Variants in CSMD1 observed in about 807,000 individuals in gnomAD.
The protein encoded by CSMD1 is CUB and Sushi multiple domains 1.
CSMD1 carries 213 observed loss-of-function variants against 417.5 expected under a neutral mutation model. The observed-to-expected ratio is 0.51, with a 90% CI of 0.46 to 0.57. The LOEUF (loss-of-function observed/expected upper bound fraction) is 0.57, where lower values mean the gene tolerates loss of function less well. Ranked by LOEUF, CSMD1 falls within the 20% of genes least tolerant of loss-of-function variation. CSMD1 has a pLI of 0.00. For synonymous variants in CSMD1, 2,862 were observed against 1,736.8 expected, an observed-to-expected ratio of 1.65 and a Z score of -16.11; for missense variants, 6,923 against 4,529.7, an observed-to-expected ratio of 1.53 and a Z score of -15.17.
intron 12 of CSMD1, among the ~76,000 whole-genome samples, chr8:3,456,319 G>A (rs1213567938): frequency 1.1e-4 from 1 of 9,048 alleles, no homozygotes; most frequent in Non-Finnish European, 1.8e-4. Flanking sequence ...CCCACTGTCC[G>A]ACACTCCCCA....
At chr8:3,929,422 C>T (rs1250263677) in intron 5 of CSMD1, among the ~76,000 whole-genome samples, 1 of 150,484 alleles carries the variant, frequency 6.6e-6, no homozygotes, top group Non-Finnish European at 1.5e-5. Flanking sequence ...ACCTTCCCCA[C>T]ATGAGAAGTG....
chr8:3,676,277 C>A (rs942550933), intron 7 of CSMD1, among the ~76,000 whole-genome samples: 2 of 152,130 alleles, frequency 1.3e-5, no homozygotes, highest in South Asian at 2.1e-4. Context: ...TAAGTATTTA[C>A]CAACTCTGTG....
chr8:4,898,060 TA>T (rs754533004), intron 1 of CSMD1, among the ~76,000 whole-genome samples: 27 of 152,162 alleles, frequency 1.8e-4, no homozygotes, highest in Non-Finnish European at 2.9e-5. Flanking sequence ...TTGGTTTTAT[TA>T]GTTGGAAATA....
intron 10 of CSMD1, among the ~76,000 whole-genome samples, chr8:3,528,232 T>C (rs1327581306): frequency 6.6e-6 from 1 of 152,258 alleles, no homozygotes; most frequent in Non-Finnish European, 1.5e-5. Flanking sequence ...TTTTGAATTA[T>C]GTGTTGTGGA....
In CSMD1 at chr8:2,949,578, C is replaced by T. The variant is rs150819604; in HGVS notation, c.10315-192G>A. Among the ~76,000 whole-genome samples the T allele has an allele frequency of 1.3e-3, 197 of 152,236 alleles. 1 individual carries two copies. Among genetic ancestry groups the T allele is most frequent in the African/African-American group, 4.5e-3 (187 of 41,560 alleles). On this transcript the variant is annotated intron_variant, in intron 67 of 69. Coordinates refer to ENST00000635120, the MANE Select transcript of CSMD1 (RefSeq NM_033225.6). ...GATCAGAAACCAACACAGAAGTGAA[C>T]TTTAACTAACATATGCAAATGCTCA... is the stretch of plus-strand genomic sequence containing the variant.
chr8:4,938,554 C>T (rs569798545), intron 1 of CSMD1, among the ~76,000 whole-genome samples: 3 of 152,278 alleles, frequency 2.0e-5, no homozygotes, highest in African/African-American at 7.2e-5. Context: ...CAGGGATATT[C>T]CCTGCCCTCA....
intron 52 of CSMD1, among the ~76,000 whole-genome samples, chr8:3,004,110 G>T (rs549838269): frequency 2.5e-4 from 38 of 152,038 alleles, no homozygotes; most frequent in Non-Finnish European, 4.9e-4. Flanking sequence ...AAATGAACGT[G>T]GGGTGAGGGC....
chr8:3,308,766 C>G (rs1428578297), intron 23 of CSMD1, among the ~76,000 whole-genome samples: 2 of 120,830 alleles, frequency 1.7e-5, no homozygotes, highest in Non-Finnish European at 1.8e-5. Flanking sequence ...TTTTGTTGCC[C>G]AGGCTGGAGT....
chr8:4,611,886 G>T (rs183611252), intron 2 of CSMD1, among the ~76,000 whole-genome samples: 98 of 152,186 alleles, frequency 6.4e-4, no homozygotes, highest in African/African-American at 2.2e-3. Context: ...GCATCTTAAA[G>T]GTCAGCTGGC....
chr8:4,226,592 GTAT>G (rs1342481040), intron 3 of CSMD1, among the ~76,000 whole-genome samples: 3 of 152,052 alleles, frequency 2.0e-5, no homozygotes. Flanking sequence ...TAAAAGGGCT[GTAT>G]TTTTCTGCAT....
At chr8:3,198,051 C>A (rs1370227877) in intron 33 of CSMD1, among the ~76,000 whole-genome samples, 1 of 152,078 alleles carries the variant, frequency 6.6e-6, no homozygotes, top group Non-Finnish European at 1.5e-5. Flanking sequence ...AATAAATTTC[C>A]TCTATAAATG....
intron 1 of CSMD1, among the ~76,000 whole-genome samples, chr8:4,709,497 C>T (rs530578656): frequency 1.1e-4 from 16 of 152,310 alleles, no homozygotes; most frequent in Non-Finnish European, 2.2e-4. Flanking sequence ...GCCTCATGTG[C>T]CACCTTCCTC....
chr8:3,896,505 CTATTAT>C (rs570513032), intron 5 of CSMD1, among the ~76,000 whole-genome samples: 15 of 151,098 alleles, frequency 9.9e-5, no homozygotes, highest in African/African-American at 2.7e-4. Flanking sequence ...AATATTATTA[CTATTAT>C]TATTATTATT....
intron 23 of CSMD1, among the ~76,000 whole-genome samples, chr8:3,340,616 T>A (rs1484473729): frequency 1.3e-5 from 2 of 152,222 alleles, no homozygotes; most frequent in East Asian, 3.9e-4. Context: ...CCGGTCATCA[T>A]TTCTGAGACA....
At chr8:4,391,382 A>C (rs1390587282) in intron 3 of CSMD1, among the ~76,000 whole-genome samples, 1 of 152,138 alleles carries the variant, frequency 6.6e-6, no homozygotes, top group Non-Finnish European at 1.5e-5. Flanking sequence ...ATGCAGAAAA[A>C]GTGATGTAAG....
chr8:3,261,254 C>G (rs570893880), intron 26 of CSMD1, among the ~76,000 whole-genome samples: 2 of 152,244 alleles, frequency 1.3e-5, no homozygotes, highest in East Asian at 3.9e-4. Context: ...GAATCACGTA[C>G]GCGTTGCTGG....
chr8:4,735,577 G>C (rs534530655), intron 1 of CSMD1, among the ~76,000 whole-genome samples: 1 of 152,228 alleles, frequency 6.6e-6, no homozygotes, highest in Non-Finnish European at 1.5e-5. Flanking sequence ...ATACAGCTAA[G>C]AAAAGAAGTG....
intron 2 of CSMD1, among the ~76,000 whole-genome samples, chr8:4,524,995 T>G (rs1199294874): frequency 6.6e-6 from 1 of 152,108 alleles, no homozygotes; most frequent in Admixed American, 6.6e-5. Flanking sequence ...TTTACTAGGT[T>G]TGTGCAAAAT....
intron 10 of CSMD1, among the ~76,000 whole-genome samples, chr8:3,499,897 A>T (rs1020354018): frequency 1.3e-5 from 2 of 152,088 alleles, no homozygotes; most frequent in African/African-American, 4.8e-5. Flanking sequence ...CCTGAGGCCC[A>T]GAGAACAAGA....
Sources: gnomAD v4.1 joint callset for allele counts (sites outside exome capture counted in the v4.1 genomes callset) on GRCh38, gnomAD v4.1.1 for gene constraint, MANE v1.5 for transcripts, NCBI Gene and HGNC (gene_info 2026-07-23, HGNC 2026-07-21) for gene names.